The following INPP4B variants were observed in gnomAD, a reference collection of about 807,000 sequenced individuals.
The protein encoded by INPP4B is inositol polyphosphate 4-phosphatase type II.
INPP4B carries 55 observed loss-of-function variants against 122.5 expected under a neutral mutation model. The ratio of observed to expected loss-of-function variants is 0.45; its 90% CI spans 0.36 to 0.56. The LOEUF is 0.56. INPP4B is among the 20% of genes least tolerant of loss of function. The pLI is 0.00. For synonymous variants in INPP4B, 403 were observed against 388.7 expected (o/e 1.04, Z -0.43); for missense variants, 1,000 against 1,097.7 (o/e 0.91, Z 1.26).
chr4:142,284,320 A>G (rs1752527944), intron 9 of INPP4B, among the ~76,000 whole-genome samples: 1 of 152,180 alleles, frequency 6.6e-6, no homozygotes. Context: ...CAAAAGAAAA[A>G]TGACATAAGT....
In INPP4B at chr4:142,108,208, A is replaced by C; in HGVS notation, c.2277-18T>G. The C allele has an allele frequency of 7.2e-7, 1 of 1,384,924 alleles. No homozygotes were observed. Among genetic ancestry groups the C allele is most frequent in the Non-Finnish European group, 1.0e-6 (1 of 975,012 alleles). The allele number at this position is 1,384,924 out of a possible 1,614,324, so 85.8% of individuals were successfully genotyped here. ...CTCCAAACCTACAAACAGAAAAAAG[A>C]AAACAGCTGTGGGTTATAAAACGGT... On this transcript the variant is annotated intron_variant, in intron 22 of 25. Transcript: ENST00000262992.
intron 2 of INPP4B, among the ~76,000 whole-genome samples, chr4:142,564,870 T>C (rs1347717718): frequency 6.6e-6 from 1 of 152,164 alleles, no homozygotes; most frequent in Non-Finnish European, 1.5e-5. Context: ...GACTGATTTT[T>C]CTTAAATCAG....
intron 11 of INPP4B, among the ~76,000 whole-genome samples, chr4:142,254,016 G>T (rs1042762682): frequency 1.5e-5 from 2 of 137,634 alleles, no homozygotes; most frequent in Non-Finnish European, 3.3e-5. Flanking sequence ...CTGAGAACGG[G>T]CAGACTGCCT....
intron 11 of INPP4B, among the ~76,000 whole-genome samples, chr4:142,257,842 G>A (rs1239194163): frequency 6.6e-6 from 1 of 151,948 alleles, no homozygotes; most frequent in Non-Finnish European, 1.5e-5. Flanking sequence ...CACAGAATTG[G>A]AAAAAACTAC....
chr4:142,234,873 G>A (rs747872878), intron 12 of INPP4B, among the ~76,000 whole-genome samples: 11 of 152,132 alleles, frequency 7.2e-5, no homozygotes, highest in Non-Finnish European at 1.2e-4. Context: ...ATGTTTTGCT[G>A]TGAAGCATAC....
chr4:142,686,257 A>G (rs1210913007), intron 2 of INPP4B, among the ~76,000 whole-genome samples: 1 of 152,158 alleles, frequency 6.6e-6, no homozygotes, highest in African/African-American at 2.4e-5. Context: ...GCAGAGAATG[A>G]CAAAGCCAAA....
At chr4:142,076,782 C>T (rs943654115) in intron 25 of INPP4B, among the ~76,000 whole-genome samples, 1 of 151,932 alleles carries the variant, frequency 6.6e-6, no homozygotes. Context: ...CTTCAATTAC[C>T]TATGCTTACA....
At chr4:142,788,217 T>G (rs1015350558) in intron 1 of INPP4B, among the ~76,000 whole-genome samples, 3 of 152,118 alleles carry the variant, frequency 2.0e-5, no homozygotes, top group Admixed American at 2.0e-4. Flanking sequence ...TAATAATGCA[T>G]CTTTATTCCA....
intron 15 of INPP4B, among the ~76,000 whole-genome samples, chr4:142,186,104 T>C (rs1010413303): frequency 9.2e-5 from 14 of 152,140 alleles, no homozygotes; most frequent in African/African-American, 3.4e-4. Flanking sequence ...AAATCCTACT[T>C]AGTTTTCAGA....
intron 1 of INPP4B, among the ~76,000 whole-genome samples, chr4:142,740,859 G>C (rs1767797351): frequency 6.6e-6 from 1 of 152,006 alleles, no homozygotes; most frequent in Non-Finnish European, 1.5e-5. Context: ...TCTTTCAGAA[G>C]ATAAATTAAC....
chr4:142,663,623 T>TG lies in INPP4B; in HGVS notation c.-191+62215_-191+62216insC, dbSNP rs541400133. Reference sequence around the variant, plus strand: ...TTTTAAAAGGTCACTTAACTGTATATTTTTTGAAATATATCCAAGCTGCTA... The same window carrying TG: ...TTTTAAAAGGTCACTTAACTGTATATGTTTTTGAAATATATCCAAGCTGCTA... On this transcript the variant is annotated intron_variant, in intron 2 of 25. Transcript: ENST00000262992. 5.5e-3 allele frequency among the ~76,000 whole-genome samples: 838 copies of TG among 152,198 alleles called. 7 individuals carry two copies. Among genetic ancestry groups the TG allele is most frequent in the Non-Finnish European group, 0.01 (703 of 67,982 alleles).
intron 5 of INPP4B, among the ~76,000 whole-genome samples, chr4:142,423,041 A>G (rs1807275816): frequency 6.6e-6 from 1 of 152,084 alleles, no homozygotes; most frequent in South Asian, 2.1e-4. Flanking sequence ...CATGCCATGT[A>G]AAAGGCAAAA....
At chr4:142,348,969 G>A (rs915406768) in intron 7 of INPP4B, among the ~76,000 whole-genome samples, 1 of 152,012 alleles carries the variant, frequency 6.6e-6, no homozygotes, top group African/African-American at 2.4e-5. Context: ...ATGAGGAAGA[G>A]TGTTGGAGCA....
At chr4:142,371,894 T>C (rs746234026) in intron 7 of INPP4B, among the ~76,000 whole-genome samples, 1 of 149,028 alleles carries the variant, frequency 6.7e-6, no homozygotes, top group African/African-American at 2.5e-5. Context: ...AAAAAAAAAC[T>C]AAAAATAGAA....
intron 25 of INPP4B, among the ~76,000 whole-genome samples, chr4:142,047,773 A>G (rs1163090862): frequency 6.6e-6 from 1 of 152,038 alleles, no homozygotes; most frequent in African/African-American, 2.4e-5. Context: ...AGAGACAAAG[A>G]AAGATAGCAC....
At chr4:142,409,859 T>C (rs1579982994) in intron 5 of INPP4B, among the ~76,000 whole-genome samples, 1 of 152,212 alleles carries the variant, frequency 6.6e-6, no homozygotes, top group African/African-American at 2.4e-5. Context: ...AGCTACTACC[T>C]AGCCTCTTAG....
At chr4:142,285,662 C>A (rs1753317323) in intron 9 of INPP4B, among the ~76,000 whole-genome samples, 1 of 152,016 alleles carries the variant, frequency 6.6e-6, no homozygotes, top group Non-Finnish European at 1.5e-5. Flanking sequence ...GGTCACTGGG[C>A]TGAGGATGGA....
chr4:142,650,900 C>A (rs537163131), intron 2 of INPP4B, among the ~76,000 whole-genome samples: 1 of 152,250 alleles, frequency 6.6e-6, no homozygotes, highest in Admixed American at 6.5e-5. Context: ...CTCTCCAGCC[C>A]AAATCAACAG....
Position 142,558,649 on chromosome 4 carries a change from G to C in INPP4B, c.-190-95923C>G, listed in dbSNP as rs1171460437. On this transcript the variant is annotated intron_variant, in intron 2 of 25. Coordinates refer to ENST00000262992, the MANE Select transcript of INPP4B (RefSeq NM_001101669.3). Reference sequence around the variant, plus strand: ...TTTCTCCTTCTTGGTATAATTCAGTGGGTGTTGGGGGGGCAGTGTGGGGAA... The same window carrying C: ...TTTCTCCTTCTTGGTATAATTCAGTCGGTGTTGGGGGGGCAGTGTGGGGAA... Among the ~76,000 whole-genome samples the C allele has an allele frequency of 8.8e-5, 11 of 124,866 alleles. No individual in the cohort carries two copies. In the Admixed American group the frequency reaches 8.8e-4, roughly 10 times the overall value. 81.9% of individuals were successfully genotyped at this position (124,866 alleles called of 152,430 possible).
Sources: allele counts gnomAD v4.1 joint callset (sites outside exome capture counted in the v4.1 genomes callset), GRCh38; gene constraint gnomAD v4.1.1; transcripts MANE v1.5; gene names NCBI Gene and HGNC (gene_info 2026-07-23, HGNC 2026-07-21).